LGALS13: variants seen among roughly 807,000 people sequenced by gnomAD.
The protein encoded by LGALS13 is galactoside-binding soluble lectin 13.
Under a neutral mutation model 13.2 loss-of-function variants are expected in LGALS13, and 11 were observed. The observed-to-expected ratio is 0.83, with a 90% confidence interval of 0.52 to 1.38. LGALS13 has a LOEUF of 1.38. Ranked by LOEUF, LGALS13 falls within the 40% of genes most tolerant of loss-of-function variation. The probability of loss-of-function intolerance (pLI) is 0.00; values close to 1 mark genes in which losing one functional copy is unlikely to be tolerated. For missense variants in LGALS13, 183 were observed against 174.3 expected, an observed-to-expected ratio of 1.05 and a Z score of -0.28; for synonymous variants, 71 against 63.7, an observed-to-expected ratio of 1.11 and a Z score of -0.54.
chr19:39,605,776 G>A (rs541237581), intron 3 of LGALS13, among the ~76,000 whole-genome samples: 27 of 152,110 alleles, frequency 1.8e-4, no homozygotes, highest in Admixed American at 1.0e-3. Flanking sequence ...TTTGGGGCCC[G>A]AATTCTACCA....
chr19:39,605,244 T>C lies in LGALS13; in HGVS notation c.159T>C (p.Arg53=). 1 of 1,614,230 alleles carries C rather than the reference T, an allele frequency of 6.2e-7. No homozygotes were observed. Among genetic ancestry groups the C allele is most frequent in the Non-Finnish European group, 8.5e-7 (1 of 1,180,040 alleles). The part of the protein sequence containing the change: ...DMDEDSDIAF[R]FRVHFGNHVV... ...ATGAGGATTCAGATATTGCCTTCCG[T>C]TTCCGAGTGCACTTTGGCAATCATG... The change falls in exon 3 of 4, where the codon CGT becomes CGC. Residue 53 remains arginine, a synonymous_variant. Transcript: ENST00000221797.
chr19:39,606,381 G>A (rs1972688856), intron 3 of LGALS13, among the ~76,000 whole-genome samples: 1 of 152,104 alleles, frequency 6.6e-6, no homozygotes, highest in African/African-American at 2.4e-5. Context: ...TGGCCCTTTT[G>A]GGGGCACTAA....
intron 1 of LGALS13, chr19:39,603,969 G>A (rs1168027893): frequency 1.0e-6 from 1 of 985,306 alleles, no homozygotes; most frequent in Non-Finnish European, 1.2e-6. Context: ...TGTGCTCTCA[G>A]TAGTGTGTGC....
At position 39,603,882 on chromosome 19, in the gene LGALS13, G is replaced by T. The variant is rs970016976; in HGVS notation, c.16-720G>T. On this transcript the variant is annotated intron_variant, in intron 1 of 3. Transcript: ENST00000221797. ...TACAGAAAAATCATCTCATCTACTTGTAGTCATCATAGAAATCAATCATTC... is the reference window on the plus strand; with the variant it reads ...TACAGAAAAATCATCTCATCTACTTTTAGTCATCATAGAAATCAATCATTC... The T allele has an allele frequency of 2.9e-5, 27 of 928,530 alleles. No homozygotes were observed. In the African/African-American group the frequency reaches 4.1e-4, roughly 14 times the overall value. The allele number at this position is 928,530 out of a possible 1,614,324, so 57.5% of individuals were successfully genotyped here. A position where few individuals can be genotyped will look rare whatever the true frequency, so the allele number is the denominator to read the frequency against.
chr19:39,605,301 G>C lies in LGALS13; in HGVS notation c.216G>C (p.Trp72Cys), dbSNP rs1319676933. The change falls in exon 3 of 4, where the codon TGG (tryptophan) becomes TGC (cysteine). Residue 72 changes from tryptophan (W) to cysteine (C), a missense_variant. Coordinates refer to ENST00000221797, the MANE Select transcript of LGALS13 (RefSeq NM_013268.3). ...TGAACAGGCGTGAGTTTGGGATATG[G>C]ATGTTGGAGGAGACAACAGACTACG... ...VVMNRREFGI[W>C]MLEETTDYVP... The C allele has an allele frequency of 6.2e-7, 1 of 1,614,154 alleles. No homozygotes were observed. Among genetic ancestry groups the C allele is most frequent in the East Asian group, 2.2e-5 (1 of 44,884 alleles).
Position 39,607,381 on chromosome 19 carries a change from C to A in LGALS13, c.*42C>A. On this transcript the variant is annotated 3_prime_UTR_variant, in exon 4 of 4. Coordinates refer to ENST00000221797, the MANE Select transcript of LGALS13 (RefSeq NM_013268.3). ...CCTCATTGTTGAGGAATCCCTCTTT[C>A]TACCTGACCATGGGATTCCCAGAAC... 7.7e-7 allele frequency: 1 copy of A among 1,302,490 alleles called. No homozygotes were observed. Among genetic ancestry groups the A allele is most frequent in the South Asian group, 1.2e-5 (1 of 84,962 alleles). 80.7% of individuals were successfully genotyped at this position (1,302,490 alleles called of 1,614,324 possible). A position where few individuals can be genotyped will look rare whatever the true frequency, so the allele number is the denominator to read the frequency against.
In LGALS13 at chr19:39,605,284, C is replaced by T. The variant is rs142659483; in HGVS notation, c.199C>T (p.Arg67Cys). 100 of 1,614,098 alleles carry T rather than the reference C, an allele frequency of 6.2e-5. No homozygotes were observed. Among genetic ancestry groups the T allele is most frequent in the East Asian group, 1.3e-4 (6 of 44,884 alleles). ...TGGCAATCATGTGGTCATGAACAGG[C>T]GTGAGTTTGGGATATGGATGTTGGA... ...HFGNHVVMNR[R>C]EFGIWMLEET... Residue 67 changes from arginine to cysteine, a missense_variant, in exon 3 of 4, where the codon CGT becomes TGT. Arg to Cys is a radical substitution (Grantham distance 180). Transcript: ENST00000221797.
chr19:39,604,799 T>C (rs1175210326), intron 2 of LGALS13, 121 bp downstream of exon 2: 1 of 1,244,356 alleles, frequency 8.0e-7, no homozygotes, highest in Non-Finnish European at 1.2e-6. Flanking sequence ...CCCATGCAGG[T>C]GCAGGTCTTG....
intron 1 of LGALS13, among the ~76,000 whole-genome samples, chr19:39,603,459 T>C (rs147510691): frequency 2.0e-5 from 3 of 151,716 alleles, no homozygotes; most frequent in Admixed American, 6.5e-5. Flanking sequence ...TCACACAAAA[T>C]ATCCACTGTA....
At chr19:39,602,641 TG>T in intron 1 of LGALS13, 58 bp downstream of exon 1, 1 of 1,547,136 alleles carries the variant, frequency 6.5e-7, no homozygotes, top group Non-Finnish European at 8.9e-7. Flanking sequence ...AAGAAAGAAA[TG>T]GGAGATTTTA....
intron 1 of LGALS13, among the ~76,000 whole-genome samples, chr19:39,602,800 G>A (rs1350135585): frequency 6.6e-6 from 1 of 152,190 alleles, no homozygotes; most frequent in East Asian, 1.9e-4. Context: ...GTGAGTGTGA[G>A]GTGGTGTCTG....
Position 39,604,586 on chromosome 19 carries a change from C to A in LGALS13, c.16-16C>A. 2 of 1,614,000 alleles carry A rather than the reference C, an allele frequency of 1.2e-6. No homozygotes were observed. The highest frequency in any genetic ancestry group is 1.7e-6 in the Non-Finnish European group (2 of 1,179,986). On this transcript the variant is annotated splice_polypyrimidine_tract_variant and intron_variant, in intron 1 of 3. Coordinates refer to ENST00000221797, the MANE Select transcript of LGALS13 (RefSeq NM_013268.3). ...CCTGACCCTGCACCTCTCACTTACT[C>A]TCAATACTCTGGCAGGTGCCATACA...
intron 3 of LGALS13, among the ~76,000 whole-genome samples, chr19:39,605,920 C>T (rs1378023264): frequency 2.6e-5 from 4 of 152,148 alleles, no homozygotes; most frequent in African/African-American, 7.2e-5. Flanking sequence ...GATATCAGCT[C>T]ACTGCAACCT....
chr19:39,605,737 A>G (rs893028746), intron 3 of LGALS13, among the ~76,000 whole-genome samples: 8 of 152,200 alleles, frequency 5.3e-5, no homozygotes, highest in African/African-American at 1.7e-4. Context: ...GGTTGTTTTA[A>G]TCAGTCACAA....
At chr19:39,606,428 G>A (rs554436498) in intron 3 of LGALS13, among the ~76,000 whole-genome samples, 26 of 152,080 alleles carry the variant, frequency 1.7e-4, no homozygotes, top group South Asian at 1.0e-3. Flanking sequence ...AAATGATGTC[G>A]TATTAAGTTT....
At chr19:39,603,375 C>T (rs1052196667) in intron 1 of LGALS13, among the ~76,000 whole-genome samples, 7 of 151,964 alleles carry the variant, frequency 4.6e-5, no homozygotes, top group Non-Finnish European at 7.4e-5. Context: ...GTTCTTCCCA[C>T]TGTGTGACAG....
intron 2 of LGALS13, 111 bp downstream of exon 2, chr19:39,604,789 C>G: frequency 7.6e-7 from 1 of 1,321,916 alleles, no homozygotes; most frequent in South Asian, 1.2e-5. Context: ...GAATGGAGGC[C>G]CCATGCAGGT....
intron 2 of LGALS13, 24 bp from the exon 3 acceptor site, chr19:39,605,154 A>C (rs754331865): frequency 1.2e-6 from 2 of 1,601,150 alleles, no homozygotes; most frequent in Non-Finnish European, 1.7e-6. Context: ...GACCTGCCCA[A>C]CATTCTGCGT....
Position 39,607,371 on chromosome 19 carries a change from A to G in LGALS13, c.*32A>G, listed in dbSNP as rs756223117. The G allele has an allele frequency of 1.5e-6, 2 of 1,376,692 alleles. No individual in the cohort carries two copies. The highest frequency in any genetic ancestry group is 1.7e-5 in the Admixed American group (1 of 59,742). The allele number at this position is 1,376,692 out of a possible 1,614,324, so 85.3% of individuals were successfully genotyped here. A position where few individuals can be genotyped will look rare whatever the true frequency, so the allele number is the denominator to read the frequency against. On this transcript the variant is annotated 3_prime_UTR_variant, in exon 4 of 4. Coordinates refer to ENST00000221797, the MANE Select transcript of LGALS13 (RefSeq NM_013268.3). ...TGATCACACTCCTCATTGTTGAGGA[A>G]TCCCTCTTTCTACCTGACCATGGGA...
Sources: gnomAD v4.1 joint callset for allele counts (sites outside exome capture counted in the v4.1 genomes callset) on GRCh38, gnomAD v4.1.1 for gene constraint, MANE v1.5 for transcripts, NCBI Gene and HGNC (gene_info 2026-07-23, HGNC 2026-07-21) for gene names.